The following POLR1C variants were observed in gnomAD, a reference collection of about 807,000 sequenced individuals.
POLR1C encodes DNA-directed RNA polymerases I and III subunit RPAC1.
POLR1C carries 42 observed loss-of-function variants against 38.3 expected under a neutral mutation model. The ratio of observed to expected loss-of-function variants is 1.10; its 90% confidence interval spans 0.86 to 1.42. The LOEUF (loss-of-function observed/expected upper bound fraction) is 1.42. POLR1C is among the 40% of genes most tolerant of loss of function. The pLI, the probability that POLR1C is intolerant of heterozygous loss-of-function variation, is 0.00. For missense variants in POLR1C, 507 were observed against 450.5 expected, an observed-to-expected ratio of 1.13 and a Z score of -1.14; for synonymous variants, 163 against 163.9, an observed-to-expected ratio of 0.99 and a Z score of 0.04.
intron 10 of POLR1C, among the ~76,000 whole-genome samples, chr6:43,560,633 T>A (rs1762369193): frequency 6.6e-6 from 1 of 152,224 alleles, no homozygotes; most frequent in South Asian, 2.1e-4. Flanking sequence ...AATCAGACTT[T>A]TGTTTCAAAA....
downstream of POLR1C, among the ~76,000 whole-genome samples, chr6:43,529,859 C>T (rs1299588851): frequency 6.9e-6 from 1 of 144,468 alleles, no homozygotes; most frequent in Non-Finnish European, 1.5e-5. Flanking sequence ...CTGCACTGAG[C>T]TTTGATGGCA....
chr6:43,554,105 C>T (rs987604819), intron 10 of POLR1C, among the ~76,000 whole-genome samples: 7 of 152,056 alleles, frequency 4.6e-5, no homozygotes, highest in African/African-American at 1.7e-4. Flanking sequence ...TTACCAACTG[C>T]TTTTCTTTTT....
chr6:43,536,820 C>T (rs1274263507), intron 9 of POLR1C, among the ~76,000 whole-genome samples: 1 of 138,058 alleles, frequency 7.2e-6, no homozygotes, highest in East Asian at 2.1e-4. Context: ...TTTAAAACAC[C>T]TGAAAATTTT....
chr6:43,525,865 G>A (rs755561888), downstream of POLR1C: 2 of 1,614,014 alleles, frequency 1.2e-6, no homozygotes, highest in Non-Finnish European at 1.7e-6. Context: ...CATTTGCCCA[G>A]GTCTGTAAGC....
intron 10 of POLR1C, chr6:43,553,473 C>T: frequency 6.4e-7 from 1 of 1,567,080 alleles, no homozygotes; most frequent in Non-Finnish European, 8.7e-7. Flanking sequence ...GGAACAGAGG[C>T]TTCCTTCTCC....
downstream of POLR1C, chr6:43,525,965 A>G (rs761390520): frequency 5.0e-6 from 8 of 1,604,802 alleles, no homozygotes; most frequent in African/African-American, 2.7e-5. Flanking sequence ...CTTTCAGAAC[A>G]GAGAAGAATA....
intron 10 of POLR1C, chr6:43,560,164 T>C: frequency 6.2e-7 from 1 of 1,611,184 alleles, no homozygotes; most frequent in Non-Finnish European, 8.5e-7. Context: ...CATGTTTAGA[T>C]TCCCATTATA....
At chr6:43,523,913 C>A (rs376380751), downstream of POLR1C, 2 of 1,613,902 alleles carry the variant, frequency 1.2e-6, no homozygotes, top group African/African-American at 2.7e-5. Context: ...CATTGTCCAG[C>A]ACCTCCGTCT....
At chr6:43,552,057 T>C (rs1404624589) in intron 10 of POLR1C, among the ~76,000 whole-genome samples, 1 of 152,222 alleles carries the variant, frequency 6.6e-6, no homozygotes. Flanking sequence ...AGAGGCTGAA[T>C]GTTTTTCATA....
chr6:43,554,819 A>G (rs1342429476), intron 10 of POLR1C: 1 of 152,184 alleles, frequency 6.6e-6, no homozygotes, highest in African/African-American at 2.4e-5. Flanking sequence ...CAACCTTTCA[A>G]GTTACCAAAT....
At chr6:43,530,556 T>C (rs183385625), downstream of POLR1C, 5 of 1,081,188 alleles carry the variant, frequency 4.6e-6, no homozygotes, top group South Asian at 1.9e-5. Flanking sequence ...TTTAATGACA[T>C]GATACACTTA....
rs555124547 is a variant in POLR1C, at chr6:43,535,095, A to G, written c.*4+5736A>G. 4.6e-5 allele frequency among the ~76,000 whole-genome samples: 7 copies of G among 150,712 alleles called. No homozygotes were observed. In the South Asian group the frequency reaches 1.5e-3, roughly 32 times the overall value. ...ATCACGAGGTCATGAGATCGAGACT[A>G]TCCTGGCTAACACAGTGAAACCCTG... On this transcript the variant is annotated intron_variant, in intron 9 of 10. Coordinates refer to the POLR1C transcript ENST00000607635.
Position 43,545,036 on chromosome 6 carries a change from C to G in POLR1C, c.*5-5932C>G, listed in dbSNP as rs557635008. Reference sequence around the variant, plus strand: ...TACAGGCATGTGCCACCATGCCCAGCTAATTTTTGTATTTTTAGTAGAGAC... The same window carrying G: ...TACAGGCATGTGCCACCATGCCCAGGTAATTTTTGTATTTTTAGTAGAGAC... On this transcript the variant is annotated intron_variant, in intron 9 of 10. Coordinates refer to the POLR1C transcript ENST00000607635. Among the ~76,000 whole-genome samples, 15 of 152,084 alleles carry G rather than the reference C, an allele frequency of 9.9e-5. No individual in the cohort carries two copies. The East Asian group carries it at 2.9e-3, about 30-fold the overall frequency.
chr6:43,517,455 A>C, intron 2 of POLR1C, 78 bp downstream of exon 2: 1 of 1,268,846 alleles, frequency 7.9e-7, no homozygotes, highest in Non-Finnish European at 1.2e-6. Flanking sequence ...TCTGTCTCAG[A>C]AGCTGCTCTT....
At chr6:43,547,380 C>A in intron 9 of POLR1C, 1 of 615,698 alleles carries the variant, frequency 1.6e-6, no homozygotes, top group Non-Finnish European at 3.0e-6. Context: ...ATTTAGAGAT[C>A]CTTAAAGCCA....
At chr6:43,526,023 AGGCTAAGTGGT>A (rs1253868819), downstream of POLR1C, 10 of 1,354,458 alleles carry the variant, frequency 7.4e-6, no homozygotes, top group Admixed American at 2.0e-5. Flanking sequence ...TGAGTGTTCT[AGGCTAAGTGGT>A]GGCTAAGTAG....
At chr6:43,560,423 T>A in intron 10 of POLR1C, 1 of 1,245,190 alleles carries the variant, frequency 8.0e-7, no homozygotes, top group Non-Finnish European at 1.1e-6. Context: ...ACTTTGAAGC[T>A]GTCTCTACTG....
chr6:43,535,306 A>G (rs1185630331), intron 9 of POLR1C, among the ~76,000 whole-genome samples: 2 of 151,470 alleles, frequency 1.3e-5, no homozygotes, highest in South Asian at 2.1e-4. Flanking sequence ...AAGTGTTTCT[A>G]TGGCTGGGCC....
In POLR1C at chr6:43,520,565, G is replaced by GT; in HGVS notation, c.656-60_656-59insT. On this transcript the variant is annotated intron_variant, in intron 6 of 8. Coordinates refer to ENST00000642195, the MANE Select transcript of POLR1C (RefSeq NM_203290.4). ...TGCTTTTGCTGTTAGTAGCTTAGGA[G>GT]GAGTATTCTTCCTAACCCTAGAAGG... The GT allele has an allele frequency of 1.9e-6, 3 of 1,598,554 alleles. No homozygotes were observed. In the South Asian group the frequency reaches 3.3e-5, roughly 18 times the overall value.
Sources: gnomAD v4.1 joint callset for allele counts (sites outside exome capture counted in the v4.1 genomes callset) on GRCh38, gnomAD v4.1.1 for gene constraint, MANE v1.5 for transcripts, NCBI Gene and HGNC (gene_info 2026-07-23, HGNC 2026-07-21) for gene names.